The following PREX1 variants were observed in gnomAD, a reference collection of about 807,000 sequenced individuals.
PREX1 encodes the protein phosphatidylinositol-3,4,5-trisphosphate dependent Rac exchange factor 1, also known as phosphatidylinositol 3,4,5-trisphosphate-dependent Rac exchanger 1 protein.
In PREX1, 41 loss-of-function variants were observed where a neutral mutation model predicts 198.3. That is an observed-to-expected ratio of 0.21 (90% CI 0.16 to 0.27). The LOEUF (loss-of-function observed/expected upper bound fraction) is 0.27. Ranked by LOEUF, PREX1 falls within the 10% of genes least tolerant of loss-of-function variation. The pLI is 1.00. For missense variants in PREX1, 1,620 were observed against 2,200.7 expected (o/e 0.74, Z 5.28); for synonymous variants, 843 against 887.2 (o/e 0.95, Z 0.89).
chr20:48,836,277 A>G, the PREX1 span, among the ~76,000 whole-genome samples: 3 of 152,210 alleles, frequency 2.0e-5, no homozygotes, highest in Non-Finnish European at 4.4e-5. Flanking sequence ...AGCCATTGTC[A>G]GGATATAAGT....
chr20:48,734,752 C>A, intron 3 of PREX1, 102 bp from the exon 4 acceptor site: 2 of 953,738 alleles, frequency 2.1e-6, no homozygotes, highest in Non-Finnish European at 1.6e-6. Context: ...GTAAGGACTA[C>A]CCTGACCCAG....
At chr20:48,634,289 G>A (rs547914980) in intron 33 of PREX1, among the ~76,000 whole-genome samples, 5 of 152,248 alleles carry the variant, frequency 3.3e-5, no homozygotes, top group South Asian at 2.1e-4. Flanking sequence ...GGGAGAAAGC[G>A]TGGAGGAAGG....
chr20:48,632,035 T>A (rs1324208427), intron 35 of PREX1, among the ~76,000 whole-genome samples: 6 of 152,226 alleles, frequency 3.9e-5, no homozygotes, highest in Non-Finnish European at 1.5e-5. Flanking sequence ...CCTGGCTGTG[T>A]GACCTTGGGC....
chr20:48,730,848 A>G (rs1005560927), intron 4 of PREX1, among the ~76,000 whole-genome samples: 3 of 152,092 alleles, frequency 2.0e-5, no homozygotes, highest in African/African-American at 7.2e-5. Context: ...AAAATTAAAA[A>G]TTAGCTGGGC....
At chr20:48,875,974 A>G in the PREX1 span, among the ~76,000 whole-genome samples, 9 of 152,172 alleles carry the variant, frequency 5.9e-5, no homozygotes, top group African/African-American at 9.7e-5. Context: ...GGGGTTGGTT[A>G]TGCAGAGCCT....
At chr20:48,731,566 G>A (rs991332303) in intron 4 of PREX1, among the ~76,000 whole-genome samples, 1 of 152,196 alleles carries the variant, frequency 6.6e-6, no homozygotes, top group African/African-American at 2.4e-5. Context: ...GAAAACTGAG[G>A]CAGAGAAAAA....
At chr20:48,817,472 G>T (rs903627444) in intron 1 of PREX1, among the ~76,000 whole-genome samples, 3 of 152,214 alleles carry the variant, frequency 2.0e-5, no homozygotes. Flanking sequence ...ACTGGGGCCT[G>T]CTCAGGTGCC....
intron 9 of PREX1, among the ~76,000 whole-genome samples, chr20:48,689,976 G>C (rs2089808884): frequency 6.6e-6 from 1 of 152,150 alleles, no homozygotes; most frequent in South Asian, 2.1e-4. Flanking sequence ...TTGATCTATT[G>C]AATTTGGGGA....
chr20:48,676,790 C>T lies in PREX1; in HGVS notation c.1590-522G>A, dbSNP rs1024983067. Among the ~76,000 whole-genome samples the T allele has an allele frequency of 5.4e-4, 83 of 152,302 alleles. 1 individual carries two copies. Among genetic ancestry groups the T allele is most frequent in the Admixed American group, 9.8e-4 (15 of 15,304 alleles). On this transcript the variant is annotated intron_variant, in intron 13 of 39. Transcript: ENST00000371941. ...TGGCAGGGGAGACCCTCCATTCTTT[C>T]CTTTCCTTTTTCCTTTTTGTTTTGT...
intron 25 of PREX1, among the ~76,000 whole-genome samples, chr20:48,647,714 G>A (rs1568800673): frequency 6.6e-6 from 1 of 152,070 alleles, no homozygotes; most frequent in Non-Finnish European, 1.5e-5. Context: ...AAGTAGCAGG[G>A]CCAGGATTTG....
At chr20:48,638,852 A>G (rs1255937068) in intron 30 of PREX1, among the ~76,000 whole-genome samples, 1 of 152,266 alleles carries the variant, frequency 6.6e-6, no homozygotes, top group African/African-American at 2.4e-5. Flanking sequence ...GGAACTCGCC[A>G]TGATCACACA....
At chr20:48,709,472 TTCA>T (rs1419035800) in intron 5 of PREX1, among the ~76,000 whole-genome samples, 11 of 152,222 alleles carry the variant, frequency 7.2e-5, no homozygotes, top group African/African-American at 2.2e-4. Context: ...GGGCCTCGGC[TTCA>T]TCATCTGCAA....
chr20:48,813,639 C>T (rs1211215749), intron 1 of PREX1, among the ~76,000 whole-genome samples: 2 of 151,906 alleles, frequency 1.3e-5, no homozygotes, highest in East Asian at 1.9e-4. Flanking sequence ...ATAATAATAA[C>T]GTGTGTGTGC....
intron 1 of PREX1, among the ~76,000 whole-genome samples, chr20:48,818,734 G>A (rs191343875): frequency 1.4e-4 from 22 of 152,342 alleles, no homozygotes; most frequent in Non-Finnish European, 2.5e-4. Flanking sequence ...TACCGATCCC[G>A]CCAAACAGTT....
intron 1 of PREX1, among the ~76,000 whole-genome samples, chr20:48,802,920 C>T (rs2090394103): frequency 6.6e-6 from 1 of 152,184 alleles, no homozygotes; most frequent in South Asian, 2.1e-4. Context: ...AGCGGGCAAG[C>T]CAAGGGGGGC....
intron 1 of PREX1, among the ~76,000 whole-genome samples, chr20:48,764,781 C>CAAAAAAAAA (rs1182093484): frequency 4.9e-5 from 4 of 81,138 alleles, no homozygotes; most frequent in Non-Finnish European, 1.1e-4. Context: ...GACTCTTTCT[C>CAAAAAAAAA]AAAAAAAAAA....
At chr20:48,724,232 G>A (rs1407153358) in intron 5 of PREX1, among the ~76,000 whole-genome samples, 5 of 151,578 alleles carry the variant, frequency 3.3e-5, no homozygotes, top group African/African-American at 9.7e-5. Flanking sequence ...TCTACTACGT[G>A]GCCTTGGAAA....
At position 48,775,996 on chromosome 20, in the gene PREX1, G is replaced by C. The variant is rs117021181; in HGVS notation, c.220-28116C>G. 2.4e-3 allele frequency among the ~76,000 whole-genome samples: 361 copies of C among 152,280 alleles called. 4 individuals carry two copies. In the East Asian group the frequency reaches 0.046, roughly 19 times the overall value. The stretch of plus-strand genomic sequence containing the variant: ...GAGACAGGGTTCTGTTGTAAGCTCA[G>C]CAGGCAAGGCCCTGAGGAAGGAGGG... On this transcript the variant is annotated intron_variant, in intron 1 of 39. Transcript: ENST00000371941.
intron 16 of PREX1, 87 bp downstream of exon 16, chr20:48,659,832 C>T (rs2089576675): frequency 1.3e-6 from 2 of 1,574,674 alleles, no homozygotes; most frequent in Non-Finnish European, 1.7e-6. Flanking sequence ...GAGCCCCCTT[C>T]CCTGTGCATA....
Sources: allele counts gnomAD v4.1 joint callset (sites outside exome capture counted in the v4.1 genomes callset), GRCh38; gene constraint gnomAD v4.1.1; transcripts MANE v1.5; gene names NCBI Gene and HGNC (gene_info 2026-07-23, HGNC 2026-07-21).